Variants in FOXN3 observed in about 807,000 individuals in gnomAD.
FOXN3 encodes forkhead box N3.
In FOXN3, 7 loss-of-function variants were observed where a neutral mutation model predicts 38.4. The observed-to-expected ratio is 0.18, with a 90% CI of 0.10 to 0.34. The LOEUF is 0.34. FOXN3 is among the 10% of genes least tolerant of loss of function. FOXN3 has a pLI of 1.00. For synonymous variants in FOXN3, 230 were observed against 242.2 expected, an observed-to-expected ratio of 0.95 and a Z score of 0.47; for missense variants, 456 against 613.4, an observed-to-expected ratio of 0.74 and a Z score of 2.71.
intron 3 of FOXN3, among the ~76,000 whole-genome samples, chr14:89,329,373 A>G (rs1888170959): frequency 6.6e-6 from 1 of 152,122 alleles, no homozygotes; most frequent in Admixed American, 6.5e-5. Flanking sequence ...AGCAGAAGGG[A>G]TTTGGGGTGT....
At chr14:89,498,933 G>A (rs754863946) in intron 1 of FOXN3, among the ~76,000 whole-genome samples, 1 of 152,148 alleles carries the variant, frequency 6.6e-6, no homozygotes, top group African/African-American at 2.4e-5. Context: ...TGAAAACAAC[G>A]AATTGGGCAA....
chr14:89,209,088 T>TAAA (rs978212555), intron 4 of FOXN3, among the ~76,000 whole-genome samples: 4 of 152,258 alleles, frequency 2.6e-5, no homozygotes, highest in Non-Finnish European at 5.9e-5. Flanking sequence ...TTTGTTACTC[T>TAAA]AAAACACTTC....
At chr14:89,202,092 A>G (rs12323747) in intron 4 of FOXN3, among the ~76,000 whole-genome samples, 2,955 of 152,334 alleles carry the variant, frequency 0.019, 99 homozygotes, top group African/African-American at 0.067. Flanking sequence ...CCCTGCCATC[A>G]GTGCTTCAAG....
At chr14:89,555,532 T>A (rs887413248) in intron 1 of FOXN3, among the ~76,000 whole-genome samples, 4 of 152,198 alleles carry the variant, frequency 2.6e-5, no homozygotes, top group Admixed American at 6.5e-5. Flanking sequence ...TTAAGAGCCA[T>A]GTATATTTTC....
chr14:89,594,464 T>A (rs144186895), intron 1 of FOXN3, among the ~76,000 whole-genome samples: 1 of 152,224 alleles, frequency 6.6e-6, no homozygotes, highest in Non-Finnish European at 1.5e-5. Flanking sequence ...TGAAGACTTA[T>A]GAAGTTGAAC....
chr14:89,304,546 T>C lies in FOXN3; in HGVS notation c.681-23532A>G, dbSNP rs545582055. Among the ~76,000 whole-genome samples the C allele has an allele frequency of 2.0e-5, 3 of 152,288 alleles. No homozygotes were observed. The South Asian group carries it at 6.2e-4, about 32-fold the overall frequency. The stretch of plus-strand genomic sequence containing the variant: ...TAAAAATATCTAAGGGCTGTTTTTT[T>C]AGAAATCAAGGAAACAAAGGATGAA... On this transcript the variant is annotated intron_variant, in intron 3 of 5. Transcript: ENST00000557258.
chr14:89,426,970 G>A lies in FOXN3; in HGVS notation c.-14-14480C>T, dbSNP rs144985113. On this transcript the variant is annotated intron_variant, in intron 1 of 6. Transcript: ENST00000345097. The stretch of plus-strand genomic sequence containing the variant: ...AGGAGGGCCGGGCGCGGTGGCTCAC[G>A]CCTGGAATCCCAGCACTTTGAGAAA... Among the ~76,000 whole-genome samples the A allele has an allele frequency of 5.4e-3, 818 of 151,812 alleles. 10 individuals carry two copies. The highest frequency in any genetic ancestry group is 0.018 in the African/African-American group (763 of 41,362).
intron 1 of FOXN3, among the ~76,000 whole-genome samples, chr14:89,500,562 G>A (rs1055788037): frequency 6.6e-6 from 1 of 152,222 alleles, no homozygotes; most frequent in Admixed American, 6.5e-5. Flanking sequence ...AAGCCAAGCT[G>A]ACCTGTGAGA....
At chr14:89,586,937 CACTGTATGTACTAGGCAGTGTACTT>C (rs1423736052) in intron 1 of FOXN3, among the ~76,000 whole-genome samples, 2 of 152,336 alleles carry the variant, frequency 1.3e-5, no homozygotes, top group African/African-American at 4.8e-5. Context: ...ATGAAGAGCT[CACTGTATGTACTAGGCAGTGTACTT>C]AAGAGAAACA....
chr14:89,336,800 A>G (rs1888474654), intron 3 of FOXN3, among the ~76,000 whole-genome samples: 1 of 152,220 alleles, frequency 6.6e-6, no homozygotes, highest in African/African-American at 2.4e-5. Context: ...CATTTCTTAG[A>G]AGCCTAGAAT....
intron 1 of FOXN3, among the ~76,000 whole-genome samples, chr14:89,554,291 C>G (rs562617289): frequency 6.6e-6 from 1 of 152,114 alleles, no homozygotes; most frequent in African/African-American, 2.4e-5. Context: ...TGAGCCACCA[C>G]GCCTGGCCTA....
At chr14:89,495,713 A>C (rs957869656) in intron 1 of FOXN3, among the ~76,000 whole-genome samples, 5 of 152,168 alleles carry the variant, frequency 3.3e-5, no homozygotes, top group Non-Finnish European at 7.3e-5. Flanking sequence ...ATGCCCTTAC[A>C]TTCCTCTAGT....
At chr14:89,403,100 G>A (rs576320291) in intron 2 of FOXN3, among the ~76,000 whole-genome samples, 5 of 152,218 alleles carry the variant, frequency 3.3e-5, no homozygotes, top group Non-Finnish European at 7.4e-5. Flanking sequence ...CAGTACTTAC[G>A]GTAACTTATT....
chr14:89,483,346 C>G (rs1030453307), intron 1 of FOXN3, among the ~76,000 whole-genome samples: 4 of 152,210 alleles, frequency 2.6e-5, no homozygotes, highest in Non-Finnish European at 5.9e-5. Flanking sequence ...GAGAGCTACA[C>G]TGGCCCAATC....
chr14:89,184,395 C>T (rs921719888), intron 4 of FOXN3, among the ~76,000 whole-genome samples: 1 of 152,172 alleles, frequency 6.6e-6, no homozygotes, highest in Non-Finnish European at 1.5e-5. Flanking sequence ...GAAAAGCACC[C>T]CTGGGGAGAG....
At chr14:89,578,284 A>G (rs537043289) in intron 1 of FOXN3, among the ~76,000 whole-genome samples, 8 of 152,248 alleles carry the variant, frequency 5.3e-5, no homozygotes, top group Admixed American at 2.0e-4. Context: ...AACTTCAATG[A>G]GAGTTCCTTC....
At chr14:89,192,546 AAC>A (rs1208232330) in intron 4 of FOXN3, among the ~76,000 whole-genome samples, 20 of 122,330 alleles carry the variant, frequency 1.6e-4, no homozygotes, top group African/African-American at 6.8e-4. Flanking sequence ...ATAACTTTAT[AAC>A]ATATGAATTA....
intron 4 of FOXN3, among the ~76,000 whole-genome samples, chr14:89,204,384 G>T (rs372462164): frequency 3.0e-3 from 461 of 152,190 alleles, no homozygotes; most frequent in Non-Finnish European, 5.5e-3. Flanking sequence ...CTCACAGCAG[G>T]TCTCATGGGC....
At chr14:89,521,356 GAT>G (rs1212492168) in intron 1 of FOXN3, among the ~76,000 whole-genome samples, 76 of 102,776 alleles carry the variant, frequency 7.4e-4, no homozygotes, top group African/African-American at 2.8e-3. Flanking sequence ...ATAGATGATA[GAT>G]AGAGAGAGAG....
Sources: allele counts gnomAD v4.1 joint callset (sites outside exome capture counted in the v4.1 genomes callset), GRCh38; gene constraint gnomAD v4.1.1; transcripts MANE v1.5; gene names NCBI Gene and HGNC (gene_info 2026-07-23, HGNC 2026-07-21).